The following RIC1 variants were observed in gnomAD, a reference collection of about 807,000 sequenced individuals.
RIC1 encodes the protein guanine nucleotide exchange factor subunit RIC1.
Under a neutral mutation model 169.0 loss-of-function variants are expected in RIC1, and 88 were observed. The ratio of observed to expected loss-of-function variants is 0.52; its 90% CI spans 0.44 to 0.62. The LOEUF (loss-of-function observed/expected upper bound fraction) is 0.62, where lower values mean the gene tolerates loss of function less well. RIC1 is among the 20% of genes least tolerant of loss of function. RIC1 has a pLI of 0.00. For missense variants in RIC1, 1,877 were observed against 1,725.5 expected (o/e 1.09, Z -1.56); for synonymous variants, 790 against 601.5 (o/e 1.31, Z -4.59).
chr9:5,756,069 G>A (rs892991119), intron 15 of RIC1, 143 bp from the exon 16 acceptor site: 28 of 436,546 alleles, frequency 6.4e-5, no homozygotes, highest in Admixed American at 1.7e-4. Flanking sequence ...TCCATTTACT[G>A]TTAAAGCTTA....
chr9:5,763,062 AG>A lies in RIC1; in HGVS notation c.2113-77del. The A allele has an allele frequency of 6.7e-7, 1 of 1,488,938 alleles. No homozygotes were observed. The highest frequency in any genetic ancestry group is 9.0e-7 in the Non-Finnish European group (1 of 1,107,310). The allele number at this position is 1,488,938 out of a possible 1,614,324, so 92.2% of individuals were successfully genotyped here. A position where few individuals can be genotyped will look rare whatever the true frequency, so the allele number is the denominator to read the frequency against. ...TATTATACTATCATTTGAAAGACTT[AG>A]TAAACTAGTACCTAGGAACTTAAGA... On this transcript the variant is annotated intron_variant, in intron 18 of 25. Transcript: ENST00000414202. The surrounding 1 kb of genome is among the most constrained non-coding windows in gnomAD (Gnocchi z 5.2).
chr9:5,656,578 C>A lies in RIC1; in HGVS notation c.145-5C>A. ...TACAACTTTTTTTTTTTTTTAATCACACAGCCTAGTGTGTTAATTGTAACC... is the reference window on the plus strand; with the variant it reads ...TACAACTTTTTTTTTTTTTTAATCAAACAGCCTAGTGTGTTAATTGTAACC... On this transcript the variant is annotated splice_polypyrimidine_tract_variant and splice_region_variant and intron_variant, in intron 1 of 25. Transcript: ENST00000414202. 2.8e-6 allele frequency: 4 copies of A among 1,417,718 alleles called. No individual in the cohort carries two copies. Among genetic ancestry groups the A allele is most frequent in the South Asian group, 1.4e-5 (1 of 69,276 alleles). The allele number at this position is 1,417,718 out of a possible 1,614,324, so 87.8% of individuals were successfully genotyped here. A position where few individuals can be genotyped will look rare whatever the true frequency, so the allele number is the denominator to read the frequency against.
intron 1 of RIC1, among the ~76,000 whole-genome samples, chr9:5,643,610 C>G (rs1362839084): frequency 6.6e-6 from 1 of 152,068 alleles, no homozygotes; most frequent in Non-Finnish European, 1.5e-5. Flanking sequence ...TAAAAATAAA[C>G]TAGCACCTCA....
chr9:5,720,253 G>C lies in RIC1; in HGVS notation c.512G>C (p.Gly171Ala). Residue 171 changes from glycine (G) to alanine (A), a missense_variant, in exon 5 of 26, where the codon GGA becomes GCA. By Grantham distance (60) the Gly-to-Ala change is moderately conservative (BLOSUM62 0). Transcript: ENST00000414202. ...DGLLHLIHWE[G>A]MTNGRKAINL... is the part of the protein sequence containing the mutation. ...CTTCTTCATCTTATTCACTGGGAAG[G>C]AATGACAAATGGAAGGAAAGCCATT... 6.2e-7 allele frequency: 1 copy of C among 1,613,550 alleles called. No individual in the cohort carries two copies. The highest frequency in any genetic ancestry group is 8.5e-7 in the Non-Finnish European group (1 of 1,179,498).
At chr9:5,751,297 T>C (rs1045540612) in intron 12 of RIC1, among the ~76,000 whole-genome samples, 1 of 151,928 alleles carries the variant, frequency 6.6e-6, no homozygotes, top group South Asian at 2.1e-4. Flanking sequence ...CACCACCCAA[T>C]CATTACCTTA....
chr9:5,708,201 ATGT>A (rs1162340910), intron 3 of RIC1, among the ~76,000 whole-genome samples: 2 of 151,964 alleles, frequency 1.3e-5, no homozygotes, highest in African/African-American at 4.8e-5. Flanking sequence ...CTCCCTTTTT[ATGT>A]TGTTGTTATG....
At chr9:5,688,529 T>C (rs1390979033) in intron 2 of RIC1, among the ~76,000 whole-genome samples, 1 of 152,204 alleles carries the variant, frequency 6.6e-6, no homozygotes. Flanking sequence ...TTCCATACTC[T>C]CCATATTGCA....
In RIC1 at chr9:5,727,166, T is replaced by C. The variant is rs1443128419; in HGVS notation, c.721-5222T>C. On this transcript the variant is annotated intron_variant, in intron 6 of 25. Transcript: ENST00000414202. ...CAGAGTGTTTTCCAACTTGGTTCCA[T>C]TCTCCCCGTCACTTTCAGGTACAGC... Among the ~76,000 whole-genome samples, 4 of 152,340 alleles carry C rather than the reference T, an allele frequency of 2.6e-5. No individual in the cohort carries two copies. The East Asian group carries it at 7.7e-4, about 29-fold the overall frequency.
At chr9:5,721,928 G>A (rs1013709281) in intron 6 of RIC1, among the ~76,000 whole-genome samples, 2 of 125,366 alleles carry the variant, frequency 1.6e-5, no homozygotes, top group African/African-American at 6.0e-5. Context: ...TGCTCTTGTT[G>A]TCCAGACTGG....
intron 6 of RIC1, among the ~76,000 whole-genome samples, chr9:5,729,491 T>C (rs1307605507): frequency 6.6e-6 from 1 of 152,214 alleles, no homozygotes; most frequent in African/African-American, 2.4e-5. Context: ...ATTCTACTCA[T>C]TGATATGCTT....
At chr9:5,725,139 T>C (rs1036158770) in intron 6 of RIC1, among the ~76,000 whole-genome samples, 13 of 152,170 alleles carry the variant, frequency 8.5e-5, no homozygotes, top group African/African-American at 2.7e-4. Context: ...ATGGTACCAG[T>C]TCCTCTTTGT....
At chr9:5,737,546 C>CTA (rs1045255356) in intron 7 of RIC1, among the ~76,000 whole-genome samples, 10 of 149,620 alleles carry the variant, frequency 6.7e-5, no homozygotes, top group Non-Finnish European at 1.0e-4. Flanking sequence ...TGTATATCTA[C>CTA]TATATATATA....
At chr9:5,692,853 AT>A (rs1205053401) in intron 3 of RIC1, among the ~76,000 whole-genome samples, 9 of 152,072 alleles carry the variant, frequency 5.9e-5, no homozygotes, top group Admixed American at 5.9e-4. Context: ...TGTTCTAAGC[AT>A]TTTTTAATAC....
At chr9:5,681,127 AT>A (rs1205538777) in intron 2 of RIC1, among the ~76,000 whole-genome samples, 8 of 151,616 alleles carry the variant, frequency 5.3e-5, no homozygotes, top group East Asian at 1.9e-4. Context: ...CGCCCGGCCG[AT>A]TTTTTTTAAG....
chr9:5,750,351 C>T (rs1470110565), intron 12 of RIC1, among the ~76,000 whole-genome samples: 1 of 151,828 alleles, frequency 6.6e-6, no homozygotes, highest in East Asian at 1.9e-4. Context: ...GTTAGCTTGG[C>T]TATTTAGAAA....
intron 7 of RIC1, among the ~76,000 whole-genome samples, chr9:5,738,080 T>C (rs1256524482): frequency 2.0e-5 from 3 of 152,150 alleles, no homozygotes; most frequent in African/African-American, 7.2e-5. Context: ...CTAAAGTTCA[T>C]TCATTTTCAG....
chr9:5,638,533 C>G (rs533580323), intron 1 of RIC1, among the ~76,000 whole-genome samples: 3 of 152,280 alleles, frequency 2.0e-5, no homozygotes, highest in Non-Finnish European at 4.4e-5. Context: ...TTAGTCTGTT[C>G]AGGTTTTGAA....
intron 1 of RIC1, among the ~76,000 whole-genome samples, chr9:5,652,430 T>A (rs760273459): frequency 7.9e-5 from 12 of 152,220 alleles, no homozygotes; most frequent in Admixed American, 7.2e-4. Flanking sequence ...CTTCTTCAAT[T>A]AAATTTTTTG....
In RIC1 at chr9:5,765,451, C is replaced by G. The variant is rs1188616432; in HGVS notation, c.2879C>G (p.Thr960Ser). The G allele has an allele frequency of 6.2e-7, 1 of 1,614,060 alleles. No individual in the cohort carries two copies. Among genetic ancestry groups the G allele is most frequent in the East Asian group, 2.2e-5 (1 of 44,868 alleles). ...CCTGCAGTAAGTAGGCAACATGCTA[C>G]CCTTCTATTCAACACAGCACTAGAA... The part of the protein sequence containing the change: ...EVPAVSRQHA[T>S]LLFNTALEQG... The change falls in exon 20 of 26, where the codon ACC (threonine) becomes AGC (serine). Residue 960 changes from threonine (T) to serine (S), a missense_variant. Physicochemically the swap from Thr to Ser is moderately conservative, Grantham distance 58. Coordinates refer to ENST00000414202, the MANE Select transcript of RIC1 (RefSeq NM_020829.4).
Sources: gnomAD v4.1 joint callset for allele counts (sites outside exome capture counted in the v4.1 genomes callset) on GRCh38, gnomAD v4.1.1 for gene constraint, Gnocchi (gnomAD v3.1) non-coding constraint, MANE v1.5 for transcripts, NCBI Gene and HGNC (gene_info 2026-07-23, HGNC 2026-07-21) for gene names.